Variants in PRAG1 observed in about 807,000 individuals in gnomAD.
The protein encoded by PRAG1 is PEAK1 related, kinase-activating pseudokinase 1.
A neutral mutation model predicts 95.6 loss-of-function variants in PRAG1; 110 were observed. The ratio of observed to expected loss-of-function variants is 1.15; its 90% CI spans 0.99 to 1.35. The LOEUF is 1.35. Among genes scored for constraint, PRAG1 ranks in the 40% most tolerant of loss-of-function variants. PRAG1 has a pLI of 0.00. For missense variants in PRAG1, 2,554 were observed against 1,864.7 expected (o/e 1.37, Z -6.81); for synonymous variants, 1,052 against 819.4 (o/e 1.28, Z -4.85).
chr8:8,351,989 G>A (rs1403903622), intron 3 of PRAG1, among the ~76,000 whole-genome samples: 2 of 152,104 alleles, frequency 1.3e-5, no homozygotes, highest in Admixed American at 6.5e-5. Flanking sequence ...ACCTGTGCCT[G>A]ACCAGAATCT....
At chr8:8,375,144 G>A (rs1003653098) in intron 3 of PRAG1, among the ~76,000 whole-genome samples, 1 of 151,422 alleles carries the variant, frequency 6.6e-6, no homozygotes, top group Non-Finnish European at 1.5e-5. Flanking sequence ...GGAGATAGCA[G>A]GGAAGCAGTA....
chr8:8,318,053 G>C lies in PRAG1; in HGVS notation c.*101C>G, dbSNP rs1798331757. 1.8e-6 allele frequency: 2 copies of C among 1,088,294 alleles called. No individual in the cohort carries two copies. Among genetic ancestry groups the C allele is most frequent in the Non-Finnish European group, 2.6e-6 (2 of 780,458 alleles). 67.4% of individuals were successfully genotyped at this position (1,088,294 alleles called of 1,614,324 possible). On this transcript the variant is annotated 3_prime_UTR_variant, in exon 6 of 6. Coordinates refer to ENST00000615670, the MANE Select transcript of PRAG1 (RefSeq NM_001080826.3). This position sits in a 1 kb window ranked among gnomAD's most constrained non-coding sequence, Gnocchi z 4.2. Reference sequence around the variant, plus strand: ...ATATATTTTACATCCAGGTATCCCAGTCATCTGTACCATTTCCCAGGGAGA... The same window carrying C: ...ATATATTTTACATCCAGGTATCCCACTCATCTGTACCATTTCCCAGGGAGA...
At chr8:8,338,249 G>C (rs757616212) in intron 4 of PRAG1, among the ~76,000 whole-genome samples, 2 of 152,134 alleles carry the variant, frequency 1.3e-5, no homozygotes, top group Admixed American at 6.5e-5. Flanking sequence ...CAGTTCTTAG[G>C]AACCCTGCGA....
Position 8,346,337 on chromosome 8 carries a change from G to A in PRAG1, c.2163-6702C>T, listed in dbSNP as rs117570272. ...AGTCTCCACAGATGTCTTCACTCAC[G>A]TAGTGTGATAAAAGACATCTTGTGC... is the stretch of plus-strand genomic sequence containing the variant. On this transcript the variant is annotated intron_variant, in intron 3 of 5. Transcript: ENST00000615670. Among the ~76,000 whole-genome samples the A allele has an allele frequency of 3.1e-3, 473 of 152,286 alleles. 3 individuals carry two copies. Among genetic ancestry groups the A allele is most frequent in the Non-Finnish European group, 5.4e-3 (369 of 68,026 alleles).
Position 8,377,546 on chromosome 8 carries a change from C to G in PRAG1, c.863G>C (p.Cys288Ser), listed in dbSNP as rs751275593. 6.3e-7 allele frequency: 1 copy of G among 1,598,918 alleles called. No individual in the cohort carries two copies. The highest frequency in any genetic ancestry group is 1.1e-5 in the South Asian group (1 of 89,048). ...RHGGRDCSPT[C>S]WEQGKCSGPA... ...CCCGGAACACTTCCCCTGCTCCCAG[C>G]ACGTGGGTGAGCAGTCCCTGCCACC... The change falls in exon 3 of 6, where the codon TGC becomes TCC. Residue 288 changes from cysteine to serine, a missense_variant. Coordinates refer to ENST00000615670, the MANE Select transcript of PRAG1 (RefSeq NM_001080826.3).
intron 5 of PRAG1, among the ~76,000 whole-genome samples, chr8:8,324,517 G>A (rs1048147944): frequency 6.6e-6 from 1 of 152,150 alleles, no homozygotes; most frequent in Non-Finnish European, 1.5e-5. Flanking sequence ...AGCACTGGGT[G>A]GGGGAAGGGG....
intron 3 of PRAG1, among the ~76,000 whole-genome samples, chr8:8,358,250 C>A (rs1367073534): frequency 6.6e-6 from 1 of 152,170 alleles, no homozygotes; most frequent in Admixed American, 6.5e-5. Flanking sequence ...GAAGCATGGG[C>A]AAGGCGTGTG....
chr8:8,342,130 CA>C (rs1245939332), intron 3 of PRAG1, among the ~76,000 whole-genome samples: 1 of 147,068 alleles, frequency 6.8e-6, no homozygotes, highest in African/African-American at 2.5e-5. Context: ...AACTGTGTCT[CA>C]AAAAAAAGAA....
chr8:8,318,604 T>C lies in PRAG1; in HGVS notation c.3771A>G (p.Thr1257=), dbSNP rs767113331. The part of the protein sequence containing the change: ...SQYRKFDEFQ[T]GILIYELLHQ... ...GCAGCAGCTCGTAGATGAGGATGCCTGTCTGGAACTCATCGAACTTGCGGT... is the reference window on the plus strand; with the variant it reads ...GCAGCAGCTCGTAGATGAGGATGCCCGTCTGGAACTCATCGAACTTGCGGT... The change falls in exon 6 of 6, where the codon ACA becomes ACG. Residue 1257 remains threonine (T), a synonymous_variant. Coordinates refer to ENST00000615670, the MANE Select transcript of PRAG1 (RefSeq NM_001080826.3). This position sits in a 1 kb window ranked among gnomAD's most constrained non-coding sequence, Gnocchi z 4.2. 27 of 1,612,746 alleles carry C rather than the reference T, an allele frequency of 1.7e-5. No homozygotes were observed. Among genetic ancestry groups the C allele is most frequent in the Non-Finnish European group, 2.2e-5 (26 of 1,179,872 alleles).
chr8:8,384,640 T>TC (rs1800792789), intron 1 of PRAG1, among the ~76,000 whole-genome samples: 1 of 143,192 alleles, frequency 7.0e-6, no homozygotes, highest in South Asian at 2.3e-4. Context: ...AAACCTCTTT[T>TC]CCCGTTGCAC....
chr8:8,369,508 G>A (rs1800122269), intron 3 of PRAG1, among the ~76,000 whole-genome samples: 1 of 152,140 alleles, frequency 6.6e-6, no homozygotes. Flanking sequence ...TATGTGCAAA[G>A]CAAGGAGTCA....
chr8:8,358,931 C>A, intron 3 of PRAG1, among the ~76,000 whole-genome samples: 1 of 152,150 alleles, frequency 6.6e-6, no homozygotes, highest in African/African-American at 2.4e-5. Flanking sequence ...AATAACATTT[C>A]CAAATAAGGA....
intron 3 of PRAG1, among the ~76,000 whole-genome samples, chr8:8,363,359 T>C (rs1799905864): frequency 6.6e-6 from 1 of 152,202 alleles, no homozygotes; most frequent in African/African-American, 2.4e-5. Flanking sequence ...CAACGGTATA[T>C]ACATGCAATG....
chr8:8,341,968 T>C lies in PRAG1; in HGVS notation c.2163-2333A>G, dbSNP rs527399731. On this transcript the variant is annotated intron_variant, in intron 3 of 5. Coordinates refer to ENST00000615670, the MANE Select transcript of PRAG1 (RefSeq NM_001080826.3). ...GCCAACAGGCCAACCCCATCTCTACTAATCATACAAAAATTAGCCAGGCAT... is the reference window on the plus strand; with the variant it reads ...GCCAACAGGCCAACCCCATCTCTACCAATCATACAAAAATTAGCCAGGCAT... Among the ~76,000 whole-genome samples, 9 of 152,060 alleles carry C rather than the reference T, an allele frequency of 5.9e-5. No homozygotes were observed. The South Asian group carries it at 1.9e-3, about 32-fold the overall frequency.
chr8:8,374,115 A>G (rs147619138), intron 3 of PRAG1, among the ~76,000 whole-genome samples: 56 of 152,322 alleles, frequency 3.7e-4, no homozygotes, highest in Non-Finnish European at 6.9e-4. Flanking sequence ...TAACCTCTGC[A>G]TTGGATTCCA....
At chr8:8,345,046 G>GGTGTGTGTGTGTGTGTGTGTGTGTGT (rs57329300) in intron 3 of PRAG1, among the ~76,000 whole-genome samples, 3 of 133,992 alleles carry the variant, frequency 2.2e-5, no homozygotes, top group African/African-American at 5.6e-5. Flanking sequence ...TTATCCGCAG[G>GGTGTGTGTGTGTGTGTGTGTGTGTGT]GTGTGTGTGT....
chr8:8,344,997 G>A (rs1035464050), intron 3 of PRAG1, among the ~76,000 whole-genome samples: 2 of 151,212 alleles, frequency 1.3e-5, no homozygotes, highest in African/African-American at 2.4e-5. Context: ...TCAAGTGAAT[G>A]CAGACAAAAT....
At chr8:8,371,408 C>T (rs1381421360) in intron 3 of PRAG1, among the ~76,000 whole-genome samples, 3 of 151,812 alleles carry the variant, frequency 2.0e-5, no homozygotes, top group African/African-American at 4.8e-5. Flanking sequence ...CTACTGGCGC[C>T]CGCCATCACG....
Position 8,318,434 on chromosome 8 carries a change from T to C in PRAG1, c.3941A>G (p.Lys1314Arg). Residue 1314 changes from lysine (K) to arginine (R), a missense_variant, in exon 6 of 6, where the codon AAG becomes AGG. By Grantham distance (26) the Lys-to-Arg change is conservative. Coordinates refer to ENST00000615670, the MANE Select transcript of PRAG1 (RefSeq NM_001080826.3). The surrounding 1 kb of genome is among the most constrained non-coding windows in gnomAD (Gnocchi z 4.2). ...AHLLLEADPI[K>R]RIRIGEAKRV... is the part of the protein sequence containing the mutation. ...CTTGGCCTCGCCGATGCGGATACGC[T>C]TGATGGGGTCGGCCTCCAGTAGCAG... The C allele has an allele frequency of 1.9e-6, 3 of 1,612,644 alleles. No homozygotes were observed. Among genetic ancestry groups the C allele is most frequent in the Non-Finnish European group, 2.5e-6 (3 of 1,179,782 alleles).
Sources: allele counts gnomAD v4.1 joint callset (sites outside exome capture counted in the v4.1 genomes callset), GRCh38; gene constraint gnomAD v4.1.1; non-coding constraint Gnocchi (gnomAD v3.1); transcripts MANE v1.5; gene names NCBI Gene and HGNC (gene_info 2026-07-23, HGNC 2026-07-21).